CROCC: variants seen among roughly 807,000 people sequenced by gnomAD.
CROCC encodes rootletin.
CROCC carries 180 observed loss-of-function variants against 245.2 expected under a neutral mutation model. That is an observed-to-expected ratio of 0.73 (90% CI 0.65 to 0.83). The LOEUF (loss-of-function observed/expected upper bound fraction) is 0.83, where lower values mean the gene tolerates loss of function less well. Ranked by LOEUF, CROCC falls within the 40% of genes least tolerant of loss-of-function variation. The pLI, the probability that CROCC is intolerant of heterozygous loss-of-function variation, is 0.00. For missense variants in CROCC, 2,688 were observed against 2,779.4 expected (o/e 0.97, Z 0.74); for synonymous variants, 1,205 against 1,241.6 (o/e 0.97, Z 0.62).
Position 16,953,469 on chromosome 1 carries a change from T to C in CROCC, c.3174T>C (p.Ser1058=), listed in dbSNP as rs369080130. Residue 1058 remains serine (S), a synonymous_variant, in exon 21 of 37, where the codon AGT becomes AGC. Coordinates refer to ENST00000375541, the MANE Select transcript of CROCC (RefSeq NM_014675.5). ...ACGAGGGCCTCCTCCTAGCAGAGAGTGAGAAGCAGCAGGTTCGTGAGCCCT... is the reference window on the plus strand; with the variant it reads ...ACGAGGGCCTCCTCCTAGCAGAGAGCGAGAAGCAGCAGGTTCGTGAGCCCT... ...ERDEGLLLAE[S]EKQQALSLKE... is the part of the protein sequence containing the mutation. 9.6e-5 allele frequency: 154 copies of C among 1,606,014 alleles called. No homozygotes were observed. Among genetic ancestry groups the C allele is most frequent in the African/African-American group, 7.9e-4 (59 of 74,896 alleles).
intron 8 of CROCC, among the ~76,000 whole-genome samples, chr1:16,935,171 A>G (rs907739232): frequency 4.6e-5 from 7 of 152,272 alleles, no homozygotes; most frequent in African/African-American, 1.7e-4. Flanking sequence ...AAGTGCTGGG[A>G]TTACAGGCAT....
rs1254366287 is a variant in CROCC, at chr1:16,955,443, C to T, written c.3597C>T (p.Gly1199=). 6.3e-6 allele frequency: 10 copies of T among 1,595,296 alleles called. No homozygotes were observed. Among genetic ancestry groups the T allele is most frequent in the East Asian group, 4.5e-5 (2 of 44,330 alleles). ...EGREVQRQEA[G]ELRRSLGEGA... is the part of the protein sequence containing the mutation. The stretch of plus-strand genomic sequence containing the variant: ...GGGAGGTGCAGCGCCAGGAGGCAGG[C>T]GAGCTGCGACGCAGCCTGGGCGAGG... Residue 1199 remains glycine (G), a synonymous_variant, in exon 24 of 37, where the codon GGC becomes GGT. Transcript: ENST00000375541.
At chr1:16,970,611 G>C (rs1008578731) in intron 34 of CROCC, 25 bp from the exon 35 acceptor site, 2 of 1,516,032 alleles carry the variant, frequency 1.3e-6, no homozygotes, top group African/African-American at 2.8e-5. Flanking sequence ...CTGGCACCCT[G>C]ATCTCCTGTG....
chr1:16,940,665 G>A (rs2100428074), intron 13 of CROCC: 2 of 240,818 alleles, frequency 8.3e-6, no homozygotes, highest in Admixed American at 5.6e-5. Context: ...TGGGATTACA[G>A]GCATGAGCCA....
rs1234096602 is a variant in CROCC, at chr1:16,953,332, C to T, written c.3037C>T (p.Arg1013Trp). The T allele has an allele frequency of 3.8e-6, 6 of 1,597,686 alleles. No homozygotes were observed. Among genetic ancestry groups the T allele is most frequent in the Admixed American group, 1.7e-5 (1 of 58,004 alleles). ...EAAWRELEAE[R>W]AQLQSQLQRE... ...AGCATGGCGGGAGCTGGAGGCCGAGCGGGCCCAGCTGCAGAGTCAGCTGCA... is the reference window on the plus strand; with the variant it reads ...AGCATGGCGGGAGCTGGAGGCCGAGTGGGCCCAGCTGCAGAGTCAGCTGCA... Residue 1013 changes from arginine to tryptophan, a missense_variant, in exon 21 of 37, where the codon CGG (arginine) becomes TGG (tryptophan). Arg to Trp is a moderately radical substitution (Grantham distance 101). Transcript: ENST00000375541.
chr1:16,922,937 A>C, intron 2 of CROCC, 139 bp downstream of exon 2: 1 of 1,292,360 alleles, frequency 7.7e-7, no homozygotes, highest in Non-Finnish European at 1.1e-6. Context: ...AGAAGAACCC[A>C]TTTTACAGAT....
intron 8 of CROCC, among the ~76,000 whole-genome samples, chr1:16,932,115 A>T (rs2075690972): frequency 1.3e-5 from 2 of 152,150 alleles, no homozygotes; most frequent in South Asian, 4.1e-4. Flanking sequence ...GCTACCAAGG[A>T]CCTCACAGCC....
chr1:16,945,849 G>C (rs1302488601), intron 15 of CROCC, among the ~76,000 whole-genome samples: 1 of 152,292 alleles, frequency 6.6e-6, no homozygotes. Flanking sequence ...GGATGCTCCT[G>C]GGGGCAATGC....
chr1:16,962,291 A>G (rs2076345849), intron 27 of CROCC, among the ~76,000 whole-genome samples: 2 of 151,178 alleles, frequency 1.3e-5, no homozygotes, highest in African/African-American at 4.9e-5. Context: ...CATGCCTGTA[A>G]TCCCAGCACT....
chr1:16,916,253 G>A (rs572729754), intron 1 of CROCC, among the ~76,000 whole-genome samples: 6 of 152,276 alleles, frequency 3.9e-5, no homozygotes. Flanking sequence ...GCCAGATCTG[G>A]TGGGCCCTGT....
At position 16,940,059 on chromosome 1, in the gene CROCC, C is replaced by T. The variant is rs530639652; in HGVS notation, c.1774C>T (p.Gln592Ter). The change falls in exon 13 of 37, where the codon CAG becomes TAG. Residue 592 changes from glutamine (Q) to a stop codon, truncating the protein, a stop_gained. Coordinates refer to ENST00000375541, the MANE Select transcript of CROCC (RefSeq NM_014675.5). LOFTEE classifies it high-confidence loss of function. ...CCACGAGGACGCCCAGCGCGAGGTG[C>T]AGCGGCTGCGGAGCGCCAACGAGCT... is the stretch of plus-strand genomic sequence containing the variant. ...QAHEDAQREV[Q>*]RLRSANELLS... 1 of 1,608,948 alleles carries T rather than the reference C, an allele frequency of 6.2e-7. No homozygotes were observed. The highest frequency in any genetic ancestry group is 2.2e-5 in the East Asian group (1 of 44,836).
chr1:16,968,133 C>A, intron 30 of CROCC, 70 bp from the exon 31 acceptor site: 1 of 1,470,866 alleles, frequency 6.8e-7, no homozygotes. Flanking sequence ...CCCCTAAGGG[C>A]CCCAGGGCGT....
In CROCC at chr1:16,951,090, G is replaced by A. The variant is rs397834615; in HGVS notation, c.2974G>A (p.Glu992Lys). ...ASLREQRAAH[E>K]EDLQRLQREK... is the part of the protein sequence containing the mutation. ...TCTGCGGGAGCAGCGGGCAGCTCAC[G>A]AGGAGGACTTACAGCGACTCCAGCG... The change falls in exon 20 of 37, where the codon GAG becomes AAG. Residue 992 changes from glutamate to lysine, a missense_variant. Coordinates refer to ENST00000375541, the MANE Select transcript of CROCC (RefSeq NM_014675.5). 3.3e-5 allele frequency: 52 copies of A among 1,588,050 alleles called. No homozygotes were observed. The highest frequency in any genetic ancestry group is 1.1e-4 in the African/African-American group (8 of 73,990).
At position 16,969,894 on chromosome 1, in the gene CROCC, A is replaced by T; in HGVS notation, c.5411A>T (p.Gln1804Leu). Reference sequence around the variant, plus strand: ...GGCGAGGTGGCTGACCTGGAACTGCAGCGGGTGGAGGCCGAGGGCCAGCTA... The same window carrying T: ...GGCGAGGTGGCTGACCTGGAACTGCTGCGGGTGGAGGCCGAGGGCCAGCTA... The part of the protein sequence containing the change: ...LRGEVADLEL[Q>L]RVEAEGQLQQ... Residue 1804 changes from glutamine to leucine, a missense_variant, in exon 33 of 37, where the codon CAG becomes CTG. Gln to Leu is a moderately radical substitution (Grantham distance 113, BLOSUM62 -2). Transcript: ENST00000375541. 1.9e-6 allele frequency: 3 copies of T among 1,609,786 alleles called. No individual in the cohort carries two copies. Among genetic ancestry groups the T allele is most frequent in the Non-Finnish European group, 2.5e-6 (3 of 1,177,916 alleles).
At chr1:16,965,490 C>CA (rs1408611793) in intron 27 of CROCC, among the ~76,000 whole-genome samples, 2 of 152,200 alleles carry the variant, frequency 1.3e-5, no homozygotes, top group Non-Finnish European at 2.9e-5. Context: ...GCAGCATGTA[C>CA]AGAGGCCCTG....
intron 30 of CROCC, among the ~76,000 whole-genome samples, chr1:16,967,691 C>A (rs1178192638): frequency 6.6e-6 from 1 of 152,098 alleles, no homozygotes; most frequent in African/African-American, 2.4e-5. Context: ...CTGTCCCATC[C>A]CCACTCCCCA....
intron 27 of CROCC, among the ~76,000 whole-genome samples, chr1:16,965,114 C>T (rs2076397243): frequency 1.3e-5 from 2 of 152,266 alleles, no homozygotes; most frequent in Admixed American, 1.3e-4. Flanking sequence ...CACACCCAGT[C>T]AACAGAACAA....
intron 26 of CROCC, among the ~76,000 whole-genome samples, chr1:16,959,964 A>C (rs115683559): frequency 6.6e-6 from 1 of 151,962 alleles, no homozygotes; most frequent in Non-Finnish European, 1.5e-5. Context: ...AAAAAACAAA[A>C]AAAAAAACAG....
chr1:16,961,071 C>CGCCCA lies in CROCC; in HGVS notation c.4356_4360dup (p.Pro1454GlnfsTer29), dbSNP rs975289329. On this transcript the variant is annotated frameshift_variant, in exon 27 of 37. Transcript: ENST00000375541. LOFTEE classifies it high-confidence loss of function. ...CGCCGGGGCCTCGGCCTCGGTCGCG[C>CGCCCA]GCCCAGCCCAGCCCCGCGGCCAGTG... 336 of 1,347,980 alleles carry CGCCCA rather than the reference C, an allele frequency of 2.5e-4. No individual in the cohort carries two copies. Among genetic ancestry groups the CGCCCA allele is most frequent in the Non-Finnish European group, 3.0e-4 (316 of 1,053,926 alleles). The allele number at this position is 1,347,980 out of a possible 1,614,324, so 83.5% of individuals were successfully genotyped here. A position where few individuals can be genotyped will look rare whatever the true frequency, so the allele number is the denominator to read the frequency against.
Sources: allele counts gnomAD v4.1 joint callset (sites outside exome capture counted in the v4.1 genomes callset), GRCh38; gene constraint gnomAD v4.1.1; transcripts MANE v1.5; gene names NCBI Gene and HGNC (gene_info 2026-07-23, HGNC 2026-07-21).